DNM1L: variants seen among roughly 807,000 people sequenced by gnomAD.
DNM1L encodes the protein dynamin-1-like protein.
Under a neutral mutation model 92.8 loss-of-function variants are expected in DNM1L, and 33 were observed. The observed-to-expected ratio is 0.36, with a 90% CI of 0.27 to 0.48. DNM1L has a LOEUF of 0.48. Among genes scored for constraint, DNM1L ranks in the 20% least tolerant of loss-of-function variants. The pLI, the probability that DNM1L is intolerant of heterozygous loss-of-function variation, is 0.99. For synonymous variants in DNM1L, 284 were observed against 305.0 expected (o/e 0.93, Z 0.72); for missense variants, 485 against 888.8 (o/e 0.55, Z 5.78).
intron 5 of DNM1L, chr12:32,711,342 A>G: frequency 3.4e-6 from 1 of 292,960 alleles, no homozygotes; most frequent in Non-Finnish European, 6.5e-6. Context: ...TGATGATTTC[A>G]TCAGATTTTA....
intron 1 of DNM1L, among the ~76,000 whole-genome samples, chr12:32,682,679 C>T (rs1592555192): frequency 6.6e-6 from 1 of 152,280 alleles, no homozygotes; most frequent in East Asian, 1.9e-4. Flanking sequence ...GGCATTCTTG[C>T]TTTAATATAT....
chr12:32,730,686 A>G (rs996514288), intron 9 of DNM1L, among the ~76,000 whole-genome samples: 1 of 152,246 alleles, frequency 6.6e-6, no homozygotes, highest in Non-Finnish European at 1.5e-5. Flanking sequence ...CAATGGAAAT[A>G]AATATAAGGC....
At chr12:32,720,635 G>C (rs760161620) in intron 7 of DNM1L, 29 bp from the exon 8 acceptor site, 1 of 1,613,370 alleles carries the variant, frequency 6.2e-7, no homozygotes, top group South Asian at 1.1e-5. Flanking sequence ...CAGTTAAGCT[G>C]AATAGTTTCG....
chr12:32,724,911 C>T (rs1309904788), intron 9 of DNM1L, among the ~76,000 whole-genome samples: 1 of 151,786 alleles, frequency 6.6e-6, no homozygotes, highest in Non-Finnish European at 1.5e-5. Context: ...CAGTACTACA[C>T]ATTTTAATAC....
chr12:32,696,107 C>G (rs1952436162), intron 1 of DNM1L, among the ~76,000 whole-genome samples: 1 of 151,966 alleles, frequency 6.6e-6, no homozygotes, highest in African/African-American at 2.4e-5. Flanking sequence ...TGGAAGAGTA[C>G]AGCACATACC....
intron 6 of DNM1L, among the ~76,000 whole-genome samples, chr12:32,716,423 CT>C (rs1375104055): frequency 6.6e-6 from 1 of 152,112 alleles, no homozygotes; most frequent in Non-Finnish European, 1.5e-5. Flanking sequence ...CAGCCTTGAC[CT>C]GGGCTCAGGT....
chr12:32,720,762 A>G lies in DNM1L; in HGVS notation c.839A>G (p.Asn280Ser), dbSNP rs1953765693. ...AAATATCCATCTCTGGCCAATAGAA[A>G]TGGAACAAAGTATCTTGCTAGGACT... is the stretch of plus-strand genomic sequence containing the variant. ...QKKYPSLANR[N>S]GTKYLARTLN... is the part of the protein sequence containing the mutation. The change falls in exon 8 of 20, where the codon AAT becomes AGT. Residue 280 changes from asparagine to serine, a missense_variant. Coordinates refer to ENST00000549701, the MANE Select transcript of DNM1L (RefSeq NM_012062.5). 1.9e-6 allele frequency: 3 copies of G among 1,613,790 alleles called. No individual in the cohort carries two copies. The highest frequency in any genetic ancestry group is 1.1e-5 in the South Asian group (1 of 91,070).
chr12:32,717,087 T>G (rs1317352347), intron 6 of DNM1L, among the ~76,000 whole-genome samples: 1 of 130,166 alleles, frequency 7.7e-6, no homozygotes, highest in African/African-American at 2.9e-5. Flanking sequence ...ATATATATAT[T>G]TTATATATAT....
Position 32,717,144 on chromosome 12 carries a change from ATT to A in DNM1L, c.620-1497_620-1496del, listed in dbSNP as rs377742282. Reference sequence around the variant, plus strand: ...TTTATATATATACCTATGTATATATATTTGTAACTGAAATATATATACTATAA... The same window carrying A: ...TTTATATATATACCTATGTATATATATGTAACTGAAATATATATACTATAA... On this transcript the variant is annotated intron_variant, in intron 6 of 19. Transcript: ENST00000549701. 1.6e-3 allele frequency among the ~76,000 whole-genome samples: 199 copies of A among 125,518 alleles called. 5 individuals carry two copies. The East Asian group carries it at 0.029, about 19-fold the overall frequency. The allele number at this position is 125,518 out of a possible 152,430, so 82.3% of individuals were successfully genotyped here. A position where few individuals can be genotyped will look rare whatever the true frequency, so the allele number is the denominator to read the frequency against.
In DNM1L at chr12:32,742,784, G is replaced by GTAGA. The variant is rs143825135; in HGVS notation, c.2154+41_2154+44dup. 3.1e-3 allele frequency: 4,866 copies of GTAGA among 1,557,416 alleles called. 46 individuals are homozygous for GTAGA. Among genetic ancestry groups the GTAGA allele is most frequent in the South Asian group, 0.018 (1,657 of 90,422 alleles). On this transcript the variant is annotated intron_variant, in intron 19 of 19. Transcript: ENST00000549701. ...CCTTTTGATTTTTTATACTTGGGTA[G>GTAGA]TAGATAGAAACATAGAAATAGTTTT...
intron 2 of DNM1L, chr12:32,707,005 A>C (rs1952954311): frequency 4.4e-6 from 1 of 224,966 alleles, no homozygotes; most frequent in African/African-American, 2.3e-5. Context: ...TTTATATGTA[A>C]GATTTTCAAA....
At chr12:32,696,488 G>A (rs1207469998) in intron 1 of DNM1L, among the ~76,000 whole-genome samples, 3 of 151,772 alleles carry the variant, frequency 2.0e-5, no homozygotes, top group Non-Finnish European at 4.4e-5. Context: ...TGTAGTCCAA[G>A]TTACTTGGAA....
At chr12:32,713,944 G>T (rs997107100) in intron 6 of DNM1L, among the ~76,000 whole-genome samples, 1 of 152,106 alleles carries the variant, frequency 6.6e-6, no homozygotes, top group Non-Finnish European at 1.5e-5. Context: ...AGAAATGAAG[G>T]TAAAATCCTT....
At chr12:32,711,593 G>A (rs11052199) in intron 5 of DNM1L, among the ~76,000 whole-genome samples, 31,928 of 151,892 alleles carry the variant, frequency 0.21, 4,262 homozygotes, top group African/African-American at 0.39. Context: ...ATTTTTAATT[G>A]TTAGTTCCTT....
chr12:32,689,024 T>C (rs1952131735), intron 1 of DNM1L, among the ~76,000 whole-genome samples: 1 of 152,190 alleles, frequency 6.6e-6, no homozygotes, highest in Non-Finnish European at 1.5e-5. Context: ...GATTGTGCTG[T>C]GAATAGCTGC....
At chr12:32,724,050 C>A (rs1426604425) in intron 9 of DNM1L, among the ~76,000 whole-genome samples, 1 of 152,170 alleles carries the variant, frequency 6.6e-6, no homozygotes, top group Non-Finnish European at 1.5e-5. Context: ...CCACCCTCGC[C>A]ATCGTCAAAA....
Position 32,733,690 on chromosome 12 carries a change from ATCGCCTAACTTACTTTTTT to A in DNM1L, c.1447-22_1447-4del. On this transcript the variant is annotated splice_polypyrimidine_tract_variant and splice_region_variant and intron_variant, in intron 12 of 19. Transcript: ENST00000549701. ...AAATATGGTTGATGTATTTTTGTAT[ATCGCCTAACTTACTTTTTT>A]TCTAGGTCCATAACTTAGTGGCAAT... 1 of 1,587,476 alleles carries A rather than the reference ATCGCCTAACTTACTTTTTT, an allele frequency of 6.3e-7. No individual in the cohort carries two copies. Among genetic ancestry groups the A allele is most frequent in the Non-Finnish European group, 8.6e-7 (1 of 1,156,162 alleles).
intron 1 of DNM1L, among the ~76,000 whole-genome samples, chr12:32,694,567 C>T (rs11052178): frequency 0.15 from 23,416 of 152,074 alleles, 1,908 homozygotes; most frequent in Middle Eastern, 0.21. Context: ...GTCTTGATAC[C>T]TCTAGTGGAT....
chr12:32,742,525 C>A, intron 18 of DNM1L, 64 bp from the exon 19 acceptor site: 5 of 1,603,260 alleles, frequency 3.1e-6, no homozygotes, highest in Non-Finnish European at 4.3e-6. Flanking sequence ...AGGTTAGCAT[C>A]TAAGCCCAAA....
Sources: allele counts gnomAD v4.1 joint callset (sites outside exome capture counted in the v4.1 genomes callset), GRCh38; gene constraint gnomAD v4.1.1; transcripts MANE v1.5; gene names NCBI Gene and HGNC (gene_info 2026-07-23, HGNC 2026-07-21).